The following CRACD variants were observed in gnomAD, a reference collection of about 807,000 sequenced individuals.
The protein encoded by CRACD is capping protein-inhibiting regulator of actin dynamics.
CRACD carries 56 observed loss-of-function variants against 106.8 expected under a neutral mutation model. The ratio of observed to expected loss-of-function variants is 0.52; its 90% confidence interval spans 0.42 to 0.66. The LOEUF (loss-of-function observed/expected upper bound fraction) is 0.66. Among genes scored for constraint, CRACD ranks in the 30% least tolerant of loss-of-function variants. The probability of loss-of-function intolerance (pLI) is 0.00; values close to 1 mark genes in which losing one functional copy is unlikely to be tolerated. For synonymous variants in CRACD, 754 were observed against 670.8 expected, an observed-to-expected ratio of 1.12 and a Z score of -1.92; for missense variants, 1,730 against 1,623.2, an observed-to-expected ratio of 1.07 and a Z score of -1.13.
chr4:56,212,649 G>A (rs1404510938), intron 2 of CRACD, among the ~76,000 whole-genome samples: 1 of 152,022 alleles, frequency 6.6e-6, no homozygotes, highest in African/African-American at 2.4e-5. Context: ...ATCTTGGCTT[G>A]GGCTCTCAGA....
At chr4:56,159,048 T>A (rs951638663) in intron 1 of CRACD, among the ~76,000 whole-genome samples, 1 of 152,256 alleles carries the variant, frequency 6.6e-6, no homozygotes, top group African/African-American at 2.4e-5. Context: ...TGTTATGTGA[T>A]GGCAGTTATT....
rs951006090 is a variant in CRACD at position 56,123,960 on chromosome 4, C to T, written c.-335-55324C>T. Among the ~76,000 whole-genome samples the T allele has an allele frequency of 8.9e-5, 13 of 145,570 alleles. No homozygotes were observed. In the East Asian group the frequency reaches 9.9e-4, roughly 11 times the overall value. ...TATTTTAAAATCATTTTTTTTTATA[C>T]GGAGTCTTGCTCAGTTGCCCAGGCT... On this transcript the variant is annotated intron_variant, in intron 1 of 10. Coordinates refer to ENST00000682029, the MANE Select transcript of CRACD (RefSeq NM_001393381.1).
At chr4:56,141,795 G>C (rs1238720126) in intron 1 of CRACD, among the ~76,000 whole-genome samples, 1 of 142,392 alleles carries the variant, frequency 7.0e-6, no homozygotes, top group Non-Finnish European at 1.5e-5. Context: ...CTGGGCTCAA[G>C]TGATCCTCCC....
intron 3 of CRACD, among the ~76,000 whole-genome samples, chr4:56,287,770 T>A (rs1374194956): frequency 1.3e-5 from 2 of 152,156 alleles, no homozygotes; most frequent in Non-Finnish European, 2.9e-5. Context: ...TTAATTCATC[T>A]GACTCTGGGT....
chr4:56,271,319 C>A (rs1742336421), intron 2 of CRACD, among the ~76,000 whole-genome samples: 2 of 152,122 alleles, frequency 1.3e-5, no homozygotes, highest in South Asian at 4.1e-4. Flanking sequence ...ATACCTCCAA[C>A]AAATGTTGGC....
chr4:56,228,643 G>T (rs1270864746), intron 2 of CRACD, among the ~76,000 whole-genome samples: 2 of 151,550 alleles, frequency 1.3e-5, no homozygotes, highest in Non-Finnish European at 2.9e-5. Flanking sequence ...CCAGGTGAGG[G>T]TGTTACTGTT....
intron 3 of CRACD, among the ~76,000 whole-genome samples, chr4:56,279,822 G>T (rs574618514): frequency 6.6e-6 from 1 of 151,964 alleles, no homozygotes; most frequent in African/African-American, 2.4e-5. Context: ...TAAATCATGC[G>T]GCTCTAAAGA....
chr4:56,269,714 C>T (rs370184266), intron 2 of CRACD, among the ~76,000 whole-genome samples: 1 of 151,802 alleles, frequency 6.6e-6, no homozygotes, highest in Admixed American at 6.6e-5. Context: ...TACAGGCACA[C>T]GCCACCACAC....
In CRACD at chr4:56,051,057, G is replaced by C. The variant is rs572897128; in HGVS notation, c.-336+1758G>C. Among the ~76,000 whole-genome samples, 5 of 152,304 alleles carry C rather than the reference G, an allele frequency of 3.3e-5. No individual in the cohort carries two copies. The East Asian group carries it at 7.7e-4, about 24-fold the overall frequency. ...CTAGATGAGGAAGCTGTGTTTTACA[G>C]TTTTTCTCTTACCCAATTTCAGACC... On this transcript the variant is annotated intron_variant, in intron 1 of 10. Transcript: ENST00000682029.
intron 4 of CRACD, among the ~76,000 whole-genome samples, chr4:56,305,509 C>G (rs1744633711): frequency 7.1e-6 from 1 of 141,278 alleles, no homozygotes; most frequent in African/African-American, 2.7e-5. Flanking sequence ...TCTAACCATG[C>G]CTGCTTATTG....
In CRACD at chr4:56,150,472, C is replaced by G. The variant is rs184575716; in HGVS notation, c.-335-28812C>G. On this transcript the variant is annotated intron_variant, in intron 1 of 10. Transcript: ENST00000682029. ...AGTGATAAAATGAGCCCTCATGGAGCCACTACTCTAGTGGCAAGAAATGAA... is the reference window on the plus strand; with the variant it reads ...AGTGATAAAATGAGCCCTCATGGAGGCACTACTCTAGTGGCAAGAAATGAA... 8.9e-3 allele frequency among the ~76,000 whole-genome samples: 1,358 copies of G among 152,206 alleles called. 24 individuals carry two copies. The highest frequency in any genetic ancestry group is 0.031 in the African/African-American group (1,306 of 41,528).
chr4:56,286,730 C>T (rs1363624343), intron 3 of CRACD, among the ~76,000 whole-genome samples: 1 of 152,118 alleles, frequency 6.6e-6, no homozygotes, highest in Non-Finnish European at 1.5e-5. Context: ...TTCCCGTTAA[C>T]ATCTTACTGT....
chr4:56,299,297 A>G (rs866471467), intron 4 of CRACD, among the ~76,000 whole-genome samples: 14 of 152,264 alleles, frequency 9.2e-5, no homozygotes, highest in South Asian at 2.1e-4. Context: ...TTGAAATGAC[A>G]GATAATACAG....
At chr4:56,149,777 C>A (rs1215892333) in intron 1 of CRACD, among the ~76,000 whole-genome samples, 2 of 152,126 alleles carry the variant, frequency 1.3e-5, no homozygotes, top group East Asian at 3.9e-4. Context: ...CTATCTCAAG[C>A]CCATTGGTCT....
chr4:56,054,352 T>G (rs959844778), intron 1 of CRACD, among the ~76,000 whole-genome samples: 12 of 152,022 alleles, frequency 7.9e-5, no homozygotes, highest in Non-Finnish European at 1.8e-4. Flanking sequence ...GGTTAATTAT[T>G]TTTTGTAGAG....
intron 10 of CRACD, among the ~76,000 whole-genome samples, chr4:56,325,789 C>G (rs1746403662): frequency 6.6e-6 from 1 of 152,202 alleles, no homozygotes; most frequent in Non-Finnish European, 1.5e-5. Flanking sequence ...CGTCTAATCT[C>G]TAGACCCAGG....
chr4:56,315,432 G>A lies in CRACD; in HGVS notation c.1930G>A (p.Asp644Asn). 1 of 1,612,734 alleles carries A rather than the reference G, an allele frequency of 6.2e-7. No individual in the cohort carries two copies. Among genetic ancestry groups the A allele is most frequent in the South Asian group, 1.1e-5 (1 of 91,050 alleles). ...AGENPPRGPG[D>N]ARAGSGKAKP... ...GGAGAACCCTCCCCGAGGCCCCGGC[G>A]ACGCGAGGGCGGGCAGCGGGAAGGC... Residue 644 changes from aspartate to asparagine, a missense_variant, in exon 8 of 11, where the codon GAC (aspartate) becomes AAC (asparagine). Asp to Asn is a conservative substitution (Grantham distance 23). Coordinates refer to ENST00000682029, the MANE Select transcript of CRACD (RefSeq NM_001393381.1). This position sits in a 1 kb window ranked among gnomAD's most constrained non-coding sequence, Gnocchi z 4.1.
At chr4:56,159,306 A>G (rs957782894) in intron 1 of CRACD, among the ~76,000 whole-genome samples, 2 of 152,160 alleles carry the variant, frequency 1.3e-5, no homozygotes, top group Non-Finnish European at 2.9e-5. Flanking sequence ...GCTATATACA[A>G]CCTTTCTGTG....
At chr4:56,165,225 T>C (rs1004732684) in intron 1 of CRACD, among the ~76,000 whole-genome samples, 1 of 152,216 alleles carries the variant, frequency 6.6e-6, no homozygotes, top group African/African-American at 2.4e-5. Context: ...CCTTCAGTGA[T>C]GTTTCTCAGC....
Sources: allele counts gnomAD v4.1 joint callset (sites outside exome capture counted in the v4.1 genomes callset), GRCh38; gene constraint gnomAD v4.1.1; non-coding constraint Gnocchi (gnomAD v3.1); transcripts MANE v1.5; gene names NCBI Gene and HGNC (gene_info 2026-07-23, HGNC 2026-07-21).